Variants in PREX1 observed in about 807,000 individuals in gnomAD.
PREX1 encodes the protein phosphatidylinositol 3,4,5-trisphosphate-dependent Rac exchanger 1 protein.
Under a neutral mutation model 198.3 loss-of-function variants are expected in PREX1, and 41 were observed. The ratio of observed to expected loss-of-function variants is 0.21; its 90% CI spans 0.16 to 0.27. The LOEUF (loss-of-function observed/expected upper bound fraction) is 0.27. Among genes scored for constraint, PREX1 ranks in the 10% least tolerant of loss-of-function variants. The pLI is 1.00. For synonymous variants in PREX1, 843 were observed against 887.2 expected (o/e 0.95, Z 0.89); for missense variants, 1,620 against 2,200.7 (o/e 0.74, Z 5.28).
chr20:48,763,535 G>T (rs1393517924), intron 1 of PREX1, among the ~76,000 whole-genome samples: 3 of 152,200 alleles, frequency 2.0e-5, no homozygotes, highest in African/African-American at 7.2e-5. Context: ...TGAAGACAAT[G>T]ACTTTCAAGA....
intron 15 of PREX1, among the ~76,000 whole-genome samples, chr20:48,664,770 C>G (rs200315404): frequency 6.6e-6 from 1 of 151,690 alleles, no homozygotes; most frequent in Non-Finnish European, 1.5e-5. Context: ...CGACTCCAGA[C>G]GGCCTGAATT....
intron 1 of PREX1, among the ~76,000 whole-genome samples, chr20:48,791,841 G>A (rs1601138571): frequency 6.6e-6 from 1 of 152,164 alleles, no homozygotes; most frequent in African/African-American, 2.4e-5. Context: ...TTTAAAAATC[G>A]AGTGATTTCA....
intron 1 of PREX1, among the ~76,000 whole-genome samples, chr20:48,807,317 T>G (rs2090416198): frequency 6.6e-6 from 1 of 152,130 alleles, no homozygotes; most frequent in South Asian, 2.1e-4. Flanking sequence ...TTTTTTTTTC[T>G]CTACAAAATT....
chr20:48,787,818 T>C (rs538476947), intron 1 of PREX1, among the ~76,000 whole-genome samples: 2 of 152,264 alleles, frequency 1.3e-5, no homozygotes, highest in African/African-American at 4.8e-5. Context: ...TGAAAAATGA[T>C]CAAAACACTT....
intron 1 of PREX1, among the ~76,000 whole-genome samples, chr20:48,756,898 A>C (rs1206463852): frequency 6.6e-6 from 1 of 152,248 alleles, no homozygotes; most frequent in Non-Finnish European, 1.5e-5. Flanking sequence ...AATGAGAAGT[A>C]AAGTTATGTC....
Position 48,632,544 on chromosome 20 carries a change from G to A in PREX1, c.4363C>T (p.Leu1455=), listed in dbSNP as rs750407305. Residue 1455 remains leucine, a synonymous_variant, in exon 34 of 40, where the codon CTG becomes TTG. Transcript: ENST00000371941. ...SYHFSKLPSR[L]EGGASLRLHT... Reference sequence around the variant, plus strand: ...AGCCTCAGGCTGGCCCCACCCTCCAGGCGGGAGGGCAGCTTGGAGAAGTGG... The same window carrying A: ...AGCCTCAGGCTGGCCCCACCCTCCAAGCGGGAGGGCAGCTTGGAGAAGTGG... 2 of 1,614,030 alleles carry A rather than the reference G, an allele frequency of 1.2e-6. No individual in the cohort carries two copies. Among genetic ancestry groups the A allele is most frequent in the Admixed American group, 3.3e-5 (2 of 60,018 alleles).
rs564346327 is a variant in PREX1 at position 48,798,317 on chromosome 20, G to T, written c.219+29325C>A. Among the ~76,000 whole-genome samples the T allele has an allele frequency of 1.4e-4, 22 of 152,160 alleles. No individual in the cohort carries two copies. In the South Asian group the frequency reaches 4.6e-3, roughly 32 times the overall value. On this transcript the variant is annotated intron_variant, in intron 1 of 39. Coordinates refer to ENST00000371941, the MANE Select transcript of PREX1 (RefSeq NM_020820.4). ...TCCAAGCCACCACCATCCCTCACTG[G>T]ACACTGAGGCAGCTACCTAACCAAT...
intron 1 of PREX1, among the ~76,000 whole-genome samples, chr20:48,811,267 A>C (rs1393754723): frequency 1.3e-5 from 2 of 152,070 alleles, no homozygotes; most frequent in African/African-American, 2.4e-5. Context: ...CACCCACCTC[A>C]GCCTCCCAAA....
chr20:48,632,435 G>A (rs1255963521), intron 34 of PREX1, 44 bp from the exon 35 acceptor site: 13 of 1,613,108 alleles, frequency 8.1e-6, no homozygotes, highest in Non-Finnish European at 8.5e-6. Flanking sequence ...TTGGGAGCCG[G>A]TGTGCTTGGT....
chr20:48,776,344 G>A (rs537617800), intron 1 of PREX1, among the ~76,000 whole-genome samples: 3 of 152,106 alleles, frequency 2.0e-5, no homozygotes, highest in South Asian at 2.1e-4. Context: ...CATGGACCCC[G>A]CCCCCCTCAG....
At chr20:48,715,883 T>A (rs911393557) in intron 5 of PREX1, among the ~76,000 whole-genome samples, 1 of 152,122 alleles carries the variant, frequency 6.6e-6, no homozygotes, top group Non-Finnish European at 1.5e-5. Flanking sequence ...ACTATTATCA[T>A]CCCACTCTAT....
At chr20:48,711,583 C>T (rs992535686) in intron 5 of PREX1, among the ~76,000 whole-genome samples, 1 of 152,120 alleles carries the variant, frequency 6.6e-6, no homozygotes, top group African/African-American at 2.4e-5. Flanking sequence ...ACCCATCACC[C>T]GTTTTTGTAA....
intron 3 of PREX1, among the ~76,000 whole-genome samples, chr20:48,744,048 C>T (rs2090096275): frequency 6.6e-6 from 1 of 151,880 alleles, no homozygotes; most frequent in South Asian, 2.1e-4. Flanking sequence ...TAACAGTGGC[C>T]GAGTGCTGAT....
intron 2 of PREX1, 121 bp from the exon 3 acceptor site, chr20:48,745,268 A>G (rs1278129507): frequency 6.5e-6 from 7 of 1,076,510 alleles, no homozygotes; most frequent in African/African-American, 3.1e-5. Flanking sequence ...ACTCTCAAAC[A>G]CCGGAACTGG....
the PREX1 span, among the ~76,000 whole-genome samples, chr20:48,881,691 T>C: frequency 6.6e-6 from 1 of 152,192 alleles, no homozygotes. Context: ...TTCACCCTAT[T>C]GGCCGGGCTG....
chr20:48,746,690 T>C (rs1453637272), intron 2 of PREX1, among the ~76,000 whole-genome samples: 1 of 152,100 alleles, frequency 6.6e-6, no homozygotes, highest in East Asian at 1.9e-4. Flanking sequence ...GGTGCATTCG[T>C]ACGTAGACAC....
At chr20:48,790,582 T>C (rs2090334359) in intron 1 of PREX1, among the ~76,000 whole-genome samples, 2 of 152,204 alleles carry the variant, frequency 1.3e-5, no homozygotes, top group East Asian at 3.8e-4. Flanking sequence ...TTCTGCATGC[T>C]TCAGCTTTTC....
intron 4 of PREX1, among the ~76,000 whole-genome samples, chr20:48,728,402 C>T (rs1346620352): frequency 1.3e-5 from 2 of 152,228 alleles, no homozygotes; most frequent in African/African-American, 4.8e-5. Context: ...GAAGAGCTGG[C>T]CCAAGTCTCA....
At chr20:48,660,190 A>G in intron 15 of PREX1, 129 bp from the exon 16 acceptor site, 1 of 1,108,228 alleles carries the variant, frequency 9.0e-7, no homozygotes, top group South Asian at 1.4e-5. Context: ...CTATTCTATT[A>G]AAATGGAATC....
Sources: gnomAD v4.1 joint callset for allele counts (sites outside exome capture counted in the v4.1 genomes callset) on GRCh38, gnomAD v4.1.1 for gene constraint, MANE v1.5 for transcripts, NCBI Gene and HGNC (gene_info 2026-07-23, HGNC 2026-07-21) for gene names.